TMC6: variants seen among roughly 807,000 people sequenced by gnomAD.
TMC6 encodes the protein transmembrane channel like 6, also known as transmembrane channel-like protein 6.
TMC6 carries 71 observed loss-of-function variants against 95.4 expected under a neutral mutation model. The ratio of observed to expected loss-of-function variants is 0.74; its 90% CI spans 0.61 to 0.91. TMC6 has a LOEUF of 0.91. Ranked by LOEUF, TMC6 falls within the 40% of genes least tolerant of loss-of-function variation. The pLI is 0.00. For synonymous variants in TMC6, 514 were observed against 483.1 expected (o/e 1.06, Z -0.84); for missense variants, 1,074 against 1,079.1 (o/e 1.00, Z 0.07).
chr17:78,124,855 C>A, intron 7 of TMC6, 34 bp downstream of exon 7: 2 of 1,583,570 alleles, frequency 1.3e-6, no homozygotes, highest in African/African-American at 1.3e-5. Context: ...CCTGCCCAGC[C>A]GCCCCAGCCC....
chr17:78,109,366 G>C lies in TMC6; in HGVS notation c.*3782C>G, dbSNP rs138755511. The C allele has an allele frequency of 5.9e-4, 262 of 442,116 alleles. 2 individuals are homozygous for C. The highest frequency in any genetic ancestry group is 4.0e-3 in the South Asian group (253 of 63,498). The allele number at this position is 442,116 out of a possible 1,614,324, so 27.4% of individuals were successfully genotyped here. Reference sequence around the variant, plus strand: ...CTACGGATGGACCAAGAAAACCTACGCAGGATCCACGTGGAAACAAAGCTG... The same window carrying C: ...CTACGGATGGACCAAGAAAACCTACCCAGGATCCACGTGGAAACAAAGCTG... On this transcript the variant is annotated 3_prime_UTR_variant, in exon 20 of 20. Transcript: ENST00000590602.
At position 78,107,659 on chromosome 17, in the gene TMC6, T is replaced by C. The variant is rs958851348; in HGVS notation, c.*5489A>G. Reference sequence around the variant, plus strand: ...TTGCTTTGTGGTTTTGCTGTAAATATTGAAATCTTAATCATCATCGAGAGG... The same window carrying C: ...TTGCTTTGTGGTTTTGCTGTAAATACTGAAATCTTAATCATCATCGAGAGG... On this transcript the variant is annotated 3_prime_UTR_variant, in exon 20 of 20. Transcript: ENST00000590602. The C allele has an allele frequency of 2.0e-5, 3 of 152,232 alleles. No homozygotes were observed. The highest frequency in any genetic ancestry group is 1.9e-4 in the East Asian group (1 of 5,202). The allele number at this position is 152,232 out of a possible 1,614,324, so 9.4% of individuals were successfully genotyped here.
At chr17:78,123,937 A>G (rs1010306440) in intron 9 of TMC6, 52 bp downstream of exon 9, 1 of 1,600,796 alleles carries the variant, frequency 6.2e-7, no homozygotes, top group African/African-American at 1.3e-5. Context: ...TCGAAAGATG[A>G]ATGGATGGAT....
Position 78,122,665 on chromosome 17 carries a change from G to A in TMC6, c.1167C>T (p.Tyr389=), listed in dbSNP as rs749849098. ...HAITVFCSWD[Y]KVTQKRASRL... ...GGGAGGCCCGCTTCTGCGTCACCTT[G>A]TAGTCCCAGGAGCAGAAGACGGTGA... Residue 389 remains tyrosine, a synonymous_variant, in exon 10 of 20, where the codon TAC becomes TAT. Coordinates refer to ENST00000590602, the MANE Select transcript of TMC6 (RefSeq NM_001127198.5). This position sits in a 1 kb window ranked among gnomAD's most constrained non-coding sequence, Gnocchi z 4.9. 2.9e-5 allele frequency: 47 copies of A among 1,612,108 alleles called. No individual in the cohort carries two copies. The highest frequency in any genetic ancestry group is 3.7e-5 in the Non-Finnish European group (44 of 1,179,744).
rs949972299 is a variant in TMC6 at position 78,115,903 on chromosome 17, G to A, written c.2277+1366C>T. Among the ~76,000 whole-genome samples the A allele has an allele frequency of 2.0e-5, 3 of 149,574 alleles. 1 individual carries two copies. The highest frequency in any genetic ancestry group is 6.7e-5 in the Admixed American group (1 of 15,014). ...GAGTGGGCACAGGGGCGAAGGGAGT[G>A]GGCACAGGGGCGAAGGGAGTGGGCA... On this transcript the variant is annotated intron_variant, in intron 18 of 19. Coordinates refer to ENST00000590602, the MANE Select transcript of TMC6 (RefSeq NM_001127198.5).
rs1225511307 is a variant in TMC6 at position 78,122,961 on chromosome 17, A to C, written c.1083-212T>G. The C allele has an allele frequency of 1.5e-6, 1 of 674,104 alleles. No individual in the cohort carries two copies. The highest frequency in any genetic ancestry group is 1.8e-5 in the African/African-American group (1 of 56,298). 41.8% of individuals were successfully genotyped at this position (674,104 alleles called of 1,614,324 possible). A position where few individuals can be genotyped will look rare whatever the true frequency, so the allele number is the denominator to read the frequency against. ...TAGCACCCACCAGCCACATCTGCCT[A>C]GAAGAGGGGGCAGGGCTGCATTCAC... is the stretch of plus-strand genomic sequence containing the variant. On this transcript the variant is annotated intron_variant, in intron 9 of 19. Coordinates refer to ENST00000590602, the MANE Select transcript of TMC6 (RefSeq NM_001127198.5). The surrounding 1 kb of genome is among the most constrained non-coding windows in gnomAD (Gnocchi z 4.9).
At chr17:78,132,091 G>A (rs1436214898), upstream of TMC6, 13 of 1,533,456 alleles carry the variant, frequency 8.5e-6, no homozygotes, top group African/African-American at 2.7e-5. Context: ...GCCCAGATCG[G>A]AAAAAGGAGA....
chr17:78,121,412 G>A lies in TMC6; in HGVS notation c.1383+144C>T. On this transcript the variant is annotated intron_variant, in intron 11 of 19. Transcript: ENST00000590602. The surrounding 1 kb of genome is among the most constrained non-coding windows in gnomAD (Gnocchi z 5.6). ...GGCTGAGAAGTGGGGCTCGGAGGGGGCCCCAGCACGGGGCACAGCGTACGT... is the reference window on the plus strand; with the variant it reads ...GGCTGAGAAGTGGGGCTCGGAGGGGACCCCAGCACGGGGCACAGCGTACGT... The A allele has an allele frequency of 2.1e-6, 3 of 1,448,670 alleles. No individual in the cohort carries two copies. The highest frequency in any genetic ancestry group is 9.4e-7 in the Non-Finnish European group (1 of 1,059,906). 89.7% of individuals were successfully genotyped at this position (1,448,670 alleles called of 1,614,324 possible).
intron 13 of TMC6, among the ~76,000 whole-genome samples, 169 bp from the exon 14 acceptor site, chr17:78,119,561 T>C (rs2074305562): frequency 6.6e-6 from 1 of 152,158 alleles, no homozygotes; most frequent in Admixed American, 6.5e-5. Context: ...ACCAGGTGCT[T>C]GGTCACACCA....
At chr17:78,115,429 C>G (rs2074017747) in intron 18 of TMC6, among the ~76,000 whole-genome samples, 1 of 152,034 alleles carries the variant, frequency 6.6e-6, no homozygotes, top group Non-Finnish European at 1.5e-5. Context: ...ATGGGGAGCC[C>G]TAGGGGGAGG....
rs1316810666 is a variant in TMC6, at chr17:78,122,615, G to A, written c.1217C>T (p.Thr406Ile). 2 of 1,610,716 alleles carry A rather than the reference G, an allele frequency of 1.2e-6. No homozygotes were observed. The highest frequency in any genetic ancestry group is 1.3e-5 in the African/African-American group (1 of 74,934). Residue 406 changes from threonine to isoleucine, a missense_variant, in exon 10 of 20, where the codon ACC becomes ATC. Thr to Ile is a moderately conservative substitution (Grantham distance 89). Coordinates refer to ENST00000590602, the MANE Select transcript of TMC6 (RefSeq NM_001127198.5). The surrounding 1 kb of genome is among the most constrained non-coding windows in gnomAD (Gnocchi z 4.9). Reference protein sequence around the residue: ...ASRLQQDNIRTRLKELLAEWQ... With the variant: ...ASRLQQDNIRIRLKELLAEWQ... ...TCCGGGGCCACTCACCTTCAGCCGGGTGCGAATATTGTCCTGCTGGAGGCG... is the reference window on the plus strand; with the variant it reads ...TCCGGGGCCACTCACCTTCAGCCGGATGCGAATATTGTCCTGCTGGAGGCG...
At position 78,117,547 on chromosome 17, in the gene TMC6, T is replaced by C. The variant is rs745321172; in HGVS notation, c.2119A>G (p.Arg707Gly). The C allele has an allele frequency of 8.1e-6, 13 of 1,599,806 alleles. No homozygotes were observed. Among genetic ancestry groups the C allele is most frequent in the Admixed American group, 6.9e-5 (4 of 58,236 alleles). ...TGCACCCAGGGCAGCCAGGAGACCC[T>C]GGGGCCTGCCGCCTCCAGGTGGCGC... ...WVRHLEAAGPRVSWLPWVHRY... is the reference protein window; with the variant it reads ...WVRHLEAAGPGVSWLPWVHRY... Residue 707 changes from arginine to glycine, a missense_variant, in exon 17 of 20, where the codon AGG (arginine) becomes GGG (glycine). By Grantham distance (125) the Arg-to-Gly change is moderately radical (BLOSUM62 -2). Coordinates refer to ENST00000590602, the MANE Select transcript of TMC6 (RefSeq NM_001127198.5).
In TMC6 at chr17:78,124,103, AG is replaced by A. The variant is rs1392702424; in HGVS notation, c.967del (p.Leu323TrpfsTer27). ...ATLNQPCGSP[L>X]DGSQCTPRVG... ...CCTGGGTGTGCACTGGCTGCCATCC[AG>A]GGGGCTGCCACACGGCTGGTTCAGC... On this transcript the variant is annotated frameshift_variant, in exon 9 of 20. Coordinates refer to ENST00000590602, the MANE Select transcript of TMC6 (RefSeq NM_001127198.5). LOFTEE classifies it high-confidence loss of function. 4.3e-6 allele frequency: 7 copies of A among 1,613,266 alleles called. No homozygotes were observed. The highest frequency in any genetic ancestry group is 4.2e-6 in the Non-Finnish European group (5 of 1,179,958).
At position 78,111,967 on chromosome 17, in the gene TMC6, GTCA is replaced by G. The variant is rs2073835828; in HGVS notation, c.*1178_*1180del. On this transcript the variant is annotated 3_prime_UTR_variant, in exon 20 of 20. Coordinates refer to ENST00000590602, the MANE Select transcript of TMC6 (RefSeq NM_001127198.5). ...GTCCCCGCAGGCCTGGAGCACTGGGGTCATGACGGGCTGGTTCCCGCAGGCCTG... is the reference window on the plus strand; with the variant it reads ...GTCCCCGCAGGCCTGGAGCACTGGGGTGACGGGCTGGTTCCCGCAGGCCTG... 2 of 181,044 alleles carry G rather than the reference GTCA, an allele frequency of 1.1e-5. No homozygotes were observed. Among genetic ancestry groups the G allele is most frequent in the Admixed American group, 9.2e-5 (1 of 10,850 alleles). 11.2% of individuals were successfully genotyped at this position (181,044 alleles called of 1,614,324 possible). A position where few individuals can be genotyped will look rare whatever the true frequency, so the allele number is the denominator to read the frequency against.
At chr17:78,118,359 T>G (rs1390460755) in intron 15 of TMC6, among the ~76,000 whole-genome samples, 3 of 151,826 alleles carry the variant, frequency 2.0e-5, no homozygotes, top group Non-Finnish European at 2.9e-5. Flanking sequence ...ATCAAGACCA[T>G]CCTGGCTAAC....
rs779661812 is a variant in TMC6 at position 78,117,612 on chromosome 17, C to T, written c.2054G>A (p.Arg685Gln). Reference sequence around the variant, plus strand: ...GGCCTCGTACATGGTGTCCAGGGTCCGGAAGGGGCCGCAGGTGCTCGAGGG... The same window carrying T: ...GGCCTCGTACATGGTGTCCAGGGTCTGGAAGGGGCCGCAGGTGCTCGAGGG... ...VKPSSTCGPF[R>Q]TLDTMYEAGR... is the part of the protein sequence containing the mutation. The change falls in exon 17 of 20, where the codon CGG becomes CAG. Residue 685 changes from arginine to glutamine, a missense_variant. Physicochemically the swap from Arg to Gln is conservative, Grantham distance 43. Coordinates refer to ENST00000590602, the MANE Select transcript of TMC6 (RefSeq NM_001127198.5). 3.8e-6 allele frequency: 6 copies of T among 1,578,276 alleles called. No individual in the cohort carries two copies. Among genetic ancestry groups the T allele is most frequent in the South Asian group, 2.3e-5 (2 of 87,004 alleles).
intron 14 of TMC6, 52 bp downstream of exon 14, chr17:78,119,245 A>G: frequency 1.2e-6 from 2 of 1,603,726 alleles, no homozygotes; most frequent in Non-Finnish European, 1.7e-6. Flanking sequence ...CCGGGGGGAA[A>G]GGGGCACTGA....
rs146371375 is a variant in TMC6, at chr17:78,124,577, C to T, written c.838G>A (p.Ala280Thr). 6.2e-4 allele frequency: 1,002 copies of T among 1,612,106 alleles called. 10 individuals are homozygous for T. The African/African-American group carries it at 0.01, about 17-fold the overall frequency. Residue 280 changes from alanine (A) to threonine (T), a missense_variant, in exon 8 of 20, where the codon GCC becomes ACC. Physicochemically the swap from Ala to Thr is moderately conservative, Grantham distance 58. Transcript: ENST00000590602. Reference sequence around the variant, plus strand: ...CAGACGGGGGCAGGGCCCGGCAGGGCGGGTGGGAAGGCGACCTGAGGGCCC... The same window carrying T: ...CAGACGGGGGCAGGGCCCGGCAGGGTGGGTGGGAAGGCGACCTGAGGGCCC... Reference protein sequence around the residue: ...IMGPQVAFPPALPGPAPVCTG... With the variant: ...IMGPQVAFPPTLPGPAPVCTG...
At position 78,121,028 on chromosome 17, in the gene TMC6, T is replaced by TAC; in HGVS notation, c.1518_1519dup (p.Tyr507CysfsTer49). On this transcript the variant is annotated frameshift_variant, in exon 12 of 20. Coordinates refer to ENST00000590602, the MANE Select transcript of TMC6 (RefSeq NM_001127198.5). LOFTEE classifies it high-confidence loss of function. This position sits in a 1 kb window ranked among gnomAD's most constrained non-coding sequence, Gnocchi z 5.6. The stretch of plus-strand genomic sequence containing the variant: ...GGCCACACACCTGCAGATGGCCACG[T>TAC]ACACCTCCAGTACCGGGGAGTCATG... 1.2e-6 allele frequency: 2 copies of TAC among 1,613,340 alleles called. No individual in the cohort carries two copies. Among genetic ancestry groups the TAC allele is most frequent in the Non-Finnish European group, 1.7e-6 (2 of 1,180,006 alleles).
Sources: gnomAD v4.1 joint callset for allele counts (sites outside exome capture counted in the v4.1 genomes callset) on GRCh38, gnomAD v4.1.1 for gene constraint, Gnocchi (gnomAD v3.1) non-coding constraint, MANE v1.5 for transcripts, NCBI Gene and HGNC (gene_info 2026-07-23, HGNC 2026-07-21) for gene names.